Variants in NEK4 observed in about 807,000 individuals in gnomAD.
NEK4 encodes the protein NIMA related kinase 4.
NEK4 carries 86 observed loss-of-function variants against 98.4 expected under a neutral mutation model. The observed-to-expected ratio is 0.87, with a 90% CI of 0.73 to 1.05. The LOEUF (loss-of-function observed/expected upper bound fraction) is 1.05, where lower values mean the gene tolerates loss of function less well. Among genes scored for constraint, NEK4 ranks in the 50% least tolerant of loss-of-function variants. NEK4 has a pLI of 0.00. For missense variants in NEK4, 898 were observed against 950.3 expected (o/e 0.94, Z 0.72); for synonymous variants, 328 against 342.2 (o/e 0.96, Z 0.46).
intron 7 of NEK4, among the ~76,000 whole-genome samples, chr3:52,751,570 G>A (rs902519443): frequency 1.3e-5 from 2 of 151,772 alleles, no homozygotes; most frequent in Non-Finnish European, 1.5e-5. Context: ...GCAGTGAGCC[G>A]AGATCGCGCC....
chr3:52,714,920 G>T (rs554805796), intron 15 of NEK4, among the ~76,000 whole-genome samples: 3 of 152,222 alleles, frequency 2.0e-5, no homozygotes, highest in Admixed American at 1.3e-4. Flanking sequence ...GTCCCCCTCC[G>T]GACTTTGGGC....
At chr3:52,737,556 G>A in intron 15 of NEK4, 30 bp downstream of exon 15, 2 of 1,609,458 alleles carry the variant, frequency 1.2e-6, no homozygotes, top group Non-Finnish European at 1.7e-6. Flanking sequence ...TATAACATAA[G>A]CATCTTGATA....
At chr3:52,738,521 G>T (rs530962389) in intron 14 of NEK4, among the ~76,000 whole-genome samples, 1 of 151,668 alleles carries the variant, frequency 6.6e-6, no homozygotes, top group South Asian at 2.1e-4. Flanking sequence ...CATGCTCATG[G>T]CTCACTGCAG....
chr3:52,712,573 G>A (rs906260404), intron 15 of NEK4, among the ~76,000 whole-genome samples: 5 of 152,192 alleles, frequency 3.3e-5, no homozygotes, highest in African/African-American at 4.8e-5. Flanking sequence ...TTGGTGTACC[G>A]GAAGAATCAG....
At chr3:52,753,688 T>C (rs1170720585) in intron 6 of NEK4, 2 of 580,290 alleles carry the variant, frequency 3.4e-6, no homozygotes, top group East Asian at 9.2e-5. Context: ...CTACGGAGCC[T>C]GTCCCAGCAG....
At chr3:52,719,540 G>T (rs894527393) in intron 15 of NEK4, among the ~76,000 whole-genome samples, 1 of 147,408 alleles carries the variant, frequency 6.8e-6, no homozygotes, top group East Asian at 2.0e-4. Flanking sequence ...CGAAGATCAC[G>T]CCACTGCACT....
At chr3:52,768,979 G>A (rs1698682370) in intron 1 of NEK4, among the ~76,000 whole-genome samples, 1 of 152,154 alleles carries the variant, frequency 6.6e-6, no homozygotes, top group Admixed American at 6.5e-5. Flanking sequence ...CAGCACTTTG[G>A]GAGGGTGAGG....
chr3:52,769,998 G>T (rs1313467695), intron 1 of NEK4, among the ~76,000 whole-genome samples: 8 of 152,138 alleles, frequency 5.3e-5, no homozygotes, highest in Admixed American at 1.3e-4. Flanking sequence ...AGACAACAGG[G>T]TGTCCTGGAT....
chr3:52,744,482 G>A (rs1444548310), intron 10 of NEK4, among the ~76,000 whole-genome samples, 177 bp from the exon 11 acceptor site: 2 of 152,008 alleles, frequency 1.3e-5, no homozygotes, highest in Non-Finnish European at 2.9e-5. Flanking sequence ...TCAGGAGTTC[G>A]AGGCCAGACT....
At chr3:52,757,741 G>T (rs557200750) in intron 6 of NEK4, among the ~76,000 whole-genome samples, 1 of 152,288 alleles carries the variant, frequency 6.6e-6, no homozygotes, top group African/African-American at 2.4e-5. Context: ...CATTAAAAAG[G>T]AAGGTAATTC....
At chr3:52,717,149 G>A (rs1369559496) in intron 15 of NEK4, among the ~76,000 whole-genome samples, 1 of 152,112 alleles carries the variant, frequency 6.6e-6, no homozygotes, top group Non-Finnish European at 1.5e-5. Flanking sequence ...GCTCACACCT[G>A]TAATCCCAGT....
chr3:52,712,766 G>A (rs913576536), intron 15 of NEK4, among the ~76,000 whole-genome samples: 2 of 152,204 alleles, frequency 1.3e-5, no homozygotes, highest in African/African-American at 4.8e-5. Flanking sequence ...CTGCTGGCAT[G>A]CTGGCATCTG....
At chr3:52,741,337 T>C (rs902293698) in intron 13 of NEK4, 74 bp downstream of exon 13, 7 of 854,326 alleles carry the variant, frequency 8.2e-6, no homozygotes, top group Non-Finnish European at 1.4e-5. Flanking sequence ...ATCTAAATAC[T>C]ACTGAAAATG....
At chr3:52,763,655 C>T in intron 4 of NEK4, 31 bp from the exon 5 acceptor site, 1 of 1,514,798 alleles carries the variant, frequency 6.6e-7, no homozygotes, top group Non-Finnish European at 9.0e-7. Context: ...GTAATTATGA[C>T]TAATGGTCTT....
chr3:52,751,515 G>T lies in NEK4; in HGVS notation c.1368+417C>A, dbSNP rs2097405031. The stretch of plus-strand genomic sequence containing the variant: ...GCATGCCTGTAATCCCAGCTACTCA[G>T]GAGGCTGAGGCATAAGAACTGCTTG... On this transcript the variant is annotated intron_variant, in intron 7 of 15. Coordinates refer to ENST00000233027, the MANE Select transcript of NEK4 (RefSeq NM_003157.6). 2.6e-5 allele frequency among the ~76,000 whole-genome samples: 4 copies of T among 151,186 alleles called. No individual in the cohort carries two copies. In the South Asian group the frequency reaches 8.3e-4, roughly 31 times the overall value.
chr3:52,732,446 C>G (rs376562049), intron 15 of NEK4: 1 of 159,604 alleles, frequency 6.3e-6, no homozygotes, highest in Non-Finnish European at 1.4e-5. Flanking sequence ...CCGCCCATCT[C>G]GGCCTCCCAA....
At chr3:52,744,117 C>T in intron 11 of NEK4, 122 bp downstream of exon 11, 4 of 741,280 alleles carry the variant, frequency 5.4e-6, no homozygotes, top group Admixed American at 2.1e-5. Flanking sequence ...TTTTCCAACT[C>T]GATTTCCTAC....
chr3:52,750,447 C>T (rs769295220), intron 7 of NEK4, among the ~76,000 whole-genome samples: 3 of 151,974 alleles, frequency 2.0e-5, no homozygotes, highest in East Asian at 1.9e-4. Context: ...ACTTGGGAGA[C>T]GGAGGCACGA....
At chr3:52,714,988 C>G (rs890689700) in intron 15 of NEK4, among the ~76,000 whole-genome samples, 1 of 152,208 alleles carries the variant, frequency 6.6e-6, no homozygotes, top group African/African-American at 2.4e-5. Context: ...CAGCTTGGCA[C>G]TGGCCTGCAC....
Sources: allele counts gnomAD v4.1 joint callset (sites outside exome capture counted in the v4.1 genomes callset), GRCh38; gene constraint gnomAD v4.1.1; transcripts MANE v1.5; gene names NCBI Gene and HGNC (gene_info 2026-07-23, HGNC 2026-07-21).